USP15: variants seen among roughly 807,000 people sequenced by gnomAD.
The protein encoded by USP15 is ubiquitin carboxyl-terminal hydrolase 15.
In USP15, 18 loss-of-function variants were observed where a neutral mutation model predicts 127.1. That is an observed-to-expected ratio of 0.14 (90% CI 0.10 to 0.21). The LOEUF (loss-of-function observed/expected upper bound fraction) is 0.21. Ranked by LOEUF, USP15 falls within the 10% of genes least tolerant of loss-of-function variation. The pLI, the probability that USP15 is intolerant of heterozygous loss-of-function variation, is 1.00. For missense variants in USP15, 805 were observed against 1,159.9 expected (o/e 0.69, Z 4.44); for synonymous variants, 364 against 393.7 (o/e 0.92, Z 0.89).
At position 62,396,373 on chromosome 12, in the gene USP15, C is replaced by T. The variant is rs773161828; in HGVS notation, c.2649C>T (p.His883=). 1 of 1,613,382 alleles carries T rather than the reference C, an allele frequency of 6.2e-7. No homozygotes were observed. The highest frequency in any genetic ancestry group is 1.7e-5 in the Admixed American group (1 of 59,984). The stretch of plus-strand genomic sequence containing the variant: ...ATAATCTGATTGCTGTTTCCAACCA[C>T]TATGGAGGGATGGGAGGAGGACACT... ...CRYNLIAVSN[H]YGGMGGGHYT... is the part of the protein sequence containing the mutation. The change falls in exon 20 of 22, where the codon CAC becomes CAT. Residue 883 remains histidine (H), a synonymous_variant. Transcript: ENST00000280377.
chr12:62,361,966 G>A (rs1004874698), intron 8 of USP15, among the ~76,000 whole-genome samples: 1 of 151,964 alleles, frequency 6.6e-6, no homozygotes, highest in African/African-American at 2.4e-5. Context: ...GCCCTGTATT[G>A]AACCTGCAGC....
intron 20 of USP15, among the ~76,000 whole-genome samples, chr12:62,399,170 A>T (rs1034798350): frequency 2.0e-5 from 3 of 152,234 alleles, no homozygotes; most frequent in Admixed American, 1.3e-4. Context: ...AACTCACAGC[A>T]CGCAAAAGCA....
At chr12:62,295,256 T>C (rs932634189) in intron 2 of USP15, among the ~76,000 whole-genome samples, 2 of 152,162 alleles carry the variant, frequency 1.3e-5, no homozygotes, top group Non-Finnish European at 2.9e-5. Context: ...GAGGCTAATA[T>C]AGGATTGGGA....
chr12:62,354,772 A>G (rs2066067874), intron 7 of USP15, among the ~76,000 whole-genome samples: 2 of 151,968 alleles, frequency 1.3e-5, no homozygotes, highest in African/African-American at 2.4e-5. Context: ...CTGTTCACCC[A>G]GGCTTTTTTC....
chr12:62,280,425 C>T (rs1328340922), intron 1 of USP15, among the ~76,000 whole-genome samples: 1 of 152,136 alleles, frequency 6.6e-6, no homozygotes, highest in African/African-American at 2.4e-5. Flanking sequence ...ATTTATTTGT[C>T]ACTGTTCTGG....
At chr12:62,354,768 A>G (rs2066067608) in intron 7 of USP15, among the ~76,000 whole-genome samples, 1 of 151,952 alleles carries the variant, frequency 6.6e-6, no homozygotes, top group Non-Finnish European at 1.5e-5. Context: ...ATTCCTGTTC[A>G]CCCAGGCTTT....
intron 19 of USP15, among the ~76,000 whole-genome samples, chr12:62,394,053 C>A (rs1304896099): frequency 1.3e-5 from 2 of 152,188 alleles, no homozygotes; most frequent in South Asian, 2.1e-4. Context: ...CCACCTTGAA[C>A]GTACCCTGAT....
intron 1 of USP15, among the ~76,000 whole-genome samples, chr12:62,286,355 C>T (rs992410661): frequency 6.6e-6 from 1 of 151,942 alleles, no homozygotes; most frequent in African/African-American, 2.4e-5. Flanking sequence ...GTTGAAATGG[C>T]TATTATTAAA....
chr12:62,366,457 C>T (rs967206719), intron 8 of USP15, among the ~76,000 whole-genome samples: 9 of 152,134 alleles, frequency 5.9e-5, no homozygotes, highest in Non-Finnish European at 1.3e-4. Context: ...AGGGCTGAGA[C>T]GATGGGGTTT....
chr12:62,378,345 C>A (rs1184392223), intron 8 of USP15, among the ~76,000 whole-genome samples: 1 of 152,060 alleles, frequency 6.6e-6, no homozygotes, highest in Non-Finnish European at 1.5e-5. Context: ...ATTAGTAGAA[C>A]AATTATATTG....
At chr12:62,301,713 ATAAG>A (rs1473628140) in intron 2 of USP15, among the ~76,000 whole-genome samples, 1 of 152,202 alleles carries the variant, frequency 6.6e-6, no homozygotes, top group African/African-American at 2.4e-5. Context: ...AAAACACAGA[ATAAG>A]TAACATTCTC....
intron 8 of USP15, among the ~76,000 whole-genome samples, chr12:62,373,550 AACCTTGCCTTT>A (rs1245410474): frequency 2.6e-5 from 4 of 151,960 alleles, no homozygotes; most frequent in African/African-American, 9.7e-5. Flanking sequence ...CCAGTTCAAA[AACCTTGCCTTT>A]AAAACTACCT....
At chr12:62,356,632 T>G (rs939133753) in intron 8 of USP15, among the ~76,000 whole-genome samples, 1 of 151,992 alleles carries the variant, frequency 6.6e-6, no homozygotes, top group African/African-American at 2.4e-5. Context: ...TAGGTTAATA[T>G]ATAGGTTAAT....
In USP15 at chr12:62,321,489, A is replaced by C; in HGVS notation, c.501A>C (p.Lys167Asn). ...TIDTIEKEIR[K>N]IFSIPDEKET... ...ATACAATTGAAAAGGAAATAAGAAA[A>C]ATCTTCAGTATTCCAGATGAAAAGG... Residue 167 changes from lysine (K) to asparagine (N), a missense_variant, in exon 5 of 22, where the codon AAA becomes AAC. By Grantham distance (94) the Lys-to-Asn change is moderately conservative. This residue lies in a region of USP15 where 57 missense variants were observed against 47.3 expected (regional missense o/e 1.20). Coordinates refer to ENST00000280377, the MANE Select transcript of USP15 (RefSeq NM_001252078.2). 1 of 1,592,206 alleles carries C rather than the reference A, an allele frequency of 6.3e-7. No homozygotes were observed. Among genetic ancestry groups the C allele is most frequent in the East Asian group, 2.3e-5 (1 of 44,198 alleles).
chr12:62,297,495 C>G (rs899792661), intron 2 of USP15, among the ~76,000 whole-genome samples: 5 of 152,090 alleles, frequency 3.3e-5, no homozygotes, highest in Non-Finnish European at 5.9e-5. Flanking sequence ...TGGGATGTTC[C>G]TCTAATGTTC....
At chr12:62,363,233 C>G (rs1201827084) in intron 8 of USP15, among the ~76,000 whole-genome samples, 1 of 152,136 alleles carries the variant, frequency 6.6e-6, no homozygotes, top group Non-Finnish European at 1.5e-5. Context: ...CGTTTCAAAC[C>G]TAAGGCATTT....
chr12:62,362,797 A>G (rs1180804235), intron 8 of USP15, among the ~76,000 whole-genome samples: 3 of 152,208 alleles, frequency 2.0e-5, no homozygotes, highest in African/African-American at 7.2e-5. Flanking sequence ...TAAATCAATC[A>G]TGAATTATGA....
At chr12:62,276,199 A>G (rs1188307242) in intron 1 of USP15, among the ~76,000 whole-genome samples, 1 of 152,178 alleles carries the variant, frequency 6.6e-6, no homozygotes, top group South Asian at 2.1e-4. Flanking sequence ...ATACATTGGT[A>G]CATTTACTTC....
In USP15 at chr12:62,321,574, A is replaced by G. The variant is rs1479966537; in HGVS notation, c.586A>G (p.Ser196Gly). 2.5e-6 allele frequency: 4 copies of G among 1,603,884 alleles called. No homozygotes were observed. The highest frequency in any genetic ancestry group is 2.6e-6 in the Non-Finnish European group (3 of 1,175,304). ...ATTTGAACCACTGAATAAACCAGAC[A>G]GCACCATTCAGGATGCTGGTTTATA... Reference protein sequence around the residue: ...NTFEPLNKPDSTIQDAGLYQG... With the variant: ...NTFEPLNKPDGTIQDAGLYQG... Residue 196 changes from serine (S) to glycine (G), a missense_variant, in exon 5 of 22, where the codon AGC becomes GGC. This residue lies in a region of USP15 where 16 missense variants were observed against 40.8 expected (regional missense o/e 0.39). Coordinates refer to ENST00000280377, the MANE Select transcript of USP15 (RefSeq NM_001252078.2).
Sources: allele counts gnomAD v4.1 joint callset (sites outside exome capture counted in the v4.1 genomes callset), GRCh38; gene constraint gnomAD v4.1.1; regional missense constraint gnomAD v4.1.1; transcripts MANE v1.5; gene names NCBI Gene and HGNC (gene_info 2026-07-23, HGNC 2026-07-21).